Variants in NOD1 observed in about 807,000 individuals in gnomAD.
NOD1 encodes nucleotide binding oligomerization domain containing 1.
A neutral mutation model predicts 81.2 loss-of-function variants in NOD1; 70 were observed. The ratio of observed to expected loss-of-function variants is 0.86; its 90% confidence interval spans 0.71 to 1.05. The LOEUF (loss-of-function observed/expected upper bound fraction) is 1.05, where lower values mean the gene tolerates loss of function less well. NOD1 is among the 50% of genes least tolerant of loss of function. The pLI is 0.00. For missense variants in NOD1, 1,233 were observed against 1,228.0 expected (o/e 1.00, Z -0.06); for synonymous variants, 508 against 526.9 (o/e 0.96, Z 0.49).
At chr7:30,453,361 C>G (rs1785999347) in intron 5 of NOD1, among the ~76,000 whole-genome samples, 1 of 152,168 alleles carries the variant, frequency 6.6e-6, no homozygotes, top group Admixed American at 6.5e-5. Context: ...TGAACTGCAG[C>G]TAAACACTGA....
At chr7:30,468,841 C>G in intron 1 of NOD1, 1 of 985,302 alleles carries the variant, frequency 1.0e-6, no homozygotes, top group Non-Finnish European at 1.2e-6. Context: ...CACAGTTTTA[C>G]AAGTAAAGAA....
At position 30,455,205 on chromosome 7, in the gene NOD1, C is replaced by T. The variant is rs1243887122; in HGVS notation, c.308G>A (p.Trp103Ter). Residue 103 changes from tryptophan to a stop codon, truncating the protein, a stop_gained, in exon 5 of 14, where the codon TGG (tryptophan) becomes TAG (stop). Coordinates refer to ENST00000222823, the MANE Select transcript of NOD1 (RefSeq NM_006092.4). LOFTEE classifies it high-confidence loss of function. ...LADAYVDLRPWLLEIGFSPSL... is the reference protein window; with the variant it reads ...LADAYVDLRP ...AGGGGAGAAGCCGATCTCCAGCAGC[C>T]AAGGCCTGAGGTCCACGTAGGCATC... 6.2e-7 allele frequency: 1 copy of T among 1,614,182 alleles called. No individual in the cohort carries two copies. Among genetic ancestry groups the T allele is most frequent in the Admixed American group, 1.7e-5 (1 of 60,026 alleles).
At chr7:30,470,434 G>A (rs1034622895) in intron 1 of NOD1, among the ~76,000 whole-genome samples, 1 of 152,194 alleles carries the variant, frequency 6.6e-6, no homozygotes, top group Non-Finnish European at 1.5e-5. Flanking sequence ...GATAGGAACC[G>A]TCGAATGAAT....
intron 1 of NOD1, chr7:30,469,237 A>G (rs763284276): frequency 5.6e-5 from 55 of 985,246 alleles, no homozygotes; most frequent in Non-Finnish European, 6.5e-5. Context: ...TCTGGAGACA[A>G]TTTAGCAGAT....
intron 1 of NOD1, among the ~76,000 whole-genome samples, chr7:30,465,137 G>C (rs1787548953): frequency 6.6e-6 from 1 of 152,142 alleles, no homozygotes; most frequent in East Asian, 1.9e-4. Context: ...GGGCTTCCTT[G>C]GGCTCCAGCC....
rs1785120103 is a variant in NOD1 at position 30,446,653 on chromosome 7, A to G, written c.2369+314T>C. The G allele has an allele frequency of 7.4e-6, 3 of 407,388 alleles. No homozygotes were observed. In the South Asian group the frequency reaches 9.8e-5, roughly 13 times the overall value. 25.2% of individuals were successfully genotyped at this position (407,388 alleles called of 1,614,324 possible). Reference sequence around the variant, plus strand: ...ACACCTACAGCAGGGCAAGGGCCCAAGCTCTTCCTTGCAACCCGACAGGAA... The same window carrying G: ...ACACCTACAGCAGGGCAAGGGCCCAGGCTCTTCCTTGCAACCCGACAGGAA... On this transcript the variant is annotated intron_variant, in intron 8 of 13. Transcript: ENST00000222823.
Position 30,437,661 on chromosome 7 carries a change from G to A in NOD1, c.2454-5C>T, listed in dbSNP as rs199809330. 2.0e-6 allele frequency: 3 copies of A among 1,511,546 alleles called. No individual in the cohort carries two copies. In the Admixed American group the frequency reaches 7.8e-5, roughly 39 times the overall value. 93.6% of individuals were successfully genotyped at this position (1,511,546 alleles called of 1,614,324 possible). ...CCAACTTGATTGCCCCACATCCTGAGGGAGGAGACAAGATAGTGAATGTTA... is the reference window on the plus strand; with the variant it reads ...CCAACTTGATTGCCCCACATCCTGAAGGAGGAGACAAGATAGTGAATGTTA... On this transcript the variant is annotated splice_region_variant and splice_polypyrimidine_tract_variant and intron_variant, in intron 9 of 13. Transcript: ENST00000222823.
chr7:30,451,454 T>C lies in NOD1; in HGVS notation c.1963A>G (p.Met655Val). ...TGTGTCTCGTAGATGCAGCGCAGCA[T>C]CCAGATGAACGTGGGCATGGCCTGC... ...QVQAMPTFIW[M>V]LRCIYETQSQ... The change falls in exon 6 of 14, where the codon ATG (methionine) becomes GTG (valine). Residue 655 changes from methionine (M) to valine (V), a missense_variant. Met to Val is a conservative substitution (Grantham distance 21, BLOSUM62 1). Coordinates refer to ENST00000222823, the MANE Select transcript of NOD1 (RefSeq NM_006092.4). The surrounding 1 kb of genome is among the most constrained non-coding windows in gnomAD (Gnocchi z 4.2). 2 of 1,613,636 alleles carry C rather than the reference T, an allele frequency of 1.2e-6. No individual in the cohort carries two copies. Among genetic ancestry groups the C allele is most frequent in the South Asian group, 1.1e-5 (1 of 91,076 alleles).
intron 13 of NOD1, 109 bp from the exon 14 acceptor site, chr7:30,425,819 A>G (rs1783400865): frequency 1.3e-6 from 1 of 787,626 alleles, no homozygotes; most frequent in Non-Finnish European, 2.3e-6. Flanking sequence ...CACAATACAC[A>G]TGTATCCCTG....
intron 7 of NOD1, 75 bp downstream of exon 7, chr7:30,448,223 C>A: frequency 8.2e-7 from 1 of 1,220,282 alleles, no homozygotes. Flanking sequence ...ATCCAGGGAC[C>A]TATGGGAATG....
chr7:30,475,287 G>C (rs2709799), intron 1 of NOD1, among the ~76,000 whole-genome samples: 48,263 of 151,984 alleles, frequency 0.32, 8,113 homozygotes, highest in African/African-American at 0.43. Flanking sequence ...GGCAATGACA[G>C]AACAGAAGGC....
At chr7:30,469,010 C>T (rs2128101039) in intron 1 of NOD1, 1 of 985,446 alleles carries the variant, frequency 1.0e-6, no homozygotes, top group African/African-American at 1.7e-5. Flanking sequence ...ACCAAGCACA[C>T]CTTACACAGC....
At chr7:30,434,788 T>G (rs768297036) in intron 11 of NOD1, among the ~76,000 whole-genome samples, 1 of 152,244 alleles carries the variant, frequency 6.6e-6, no homozygotes, top group Non-Finnish European at 1.5e-5. Flanking sequence ...ATGCACTTAC[T>G]GGACAGCAGG....
intron 6 of NOD1, among the ~76,000 whole-genome samples, chr7:30,449,928 C>T (rs961657082): frequency 2.6e-5 from 4 of 152,160 alleles, no homozygotes; most frequent in Admixed American, 6.5e-5. Flanking sequence ...TGCGGCGGCT[C>T]ATGCCTGTAA....
At chr7:30,431,203 G>T (rs1783922864) in intron 12 of NOD1, among the ~76,000 whole-genome samples, 1 of 151,884 alleles carries the variant, frequency 6.6e-6, no homozygotes, top group Non-Finnish European at 1.5e-5. Flanking sequence ...CCCTGGAGAG[G>T]CTGGCCTGCA....
At chr7:30,448,464 C>T in intron 6 of NOD1, 83 bp from the exon 7 acceptor site, 1 of 1,188,570 alleles carries the variant, frequency 8.4e-7, no homozygotes, top group Non-Finnish European at 1.3e-6. Context: ...ATCCAGAAGC[C>T]TTCAGGCCCT....
Position 30,451,716 on chromosome 7 carries a change from G to A in NOD1, c.1701C>T (p.Cys567=). 6.2e-7 allele frequency: 1 copy of A among 1,613,866 alleles called. No homozygotes were observed. Among genetic ancestry groups the A allele is most frequent in the Non-Finnish European group, 8.5e-7 (1 of 1,180,026 alleles). Reference sequence around the variant, plus strand: ...CCCGCGCCGGACCACTGCCCTGCAGGCACTGGAACGGGAGGAAGGGAGGAT... The same window carrying A: ...CCCGCGCCGGACCACTGCCCTGCAGACACTGGAACGGGAGGAAGGGAGGAT... ...SCYPPFLPFQ[C]LQGSGPARED... The change falls in exon 6 of 14, where the codon TGC becomes TGT. Residue 567 remains cysteine, a synonymous_variant. Coordinates refer to ENST00000222823, the MANE Select transcript of NOD1 (RefSeq NM_006092.4). The surrounding 1 kb of genome is among the most constrained non-coding windows in gnomAD (Gnocchi z 4.2).
At position 30,452,221 on chromosome 7, in the gene NOD1, CG is replaced by C. The variant is rs770885962; in HGVS notation, c.1195del (p.Arg399GlyfsTer21). Reference protein sequence around the residue: ...SVPLFCWIIFRCFQHFRAAFE... With the variant: ...SVPLFCWIIFXCFQHFRAAFE... Reference sequence around the variant, plus strand: ...GGCAGCACGGAAGTGCTGGAAGCACCGGAAGATGATCCAGCAGAAGAGGGGC... The same window carrying C: ...GGCAGCACGGAAGTGCTGGAAGCACCGAAGATGATCCAGCAGAAGAGGGGC... On this transcript the variant is annotated frameshift_variant, in exon 6 of 14. Coordinates refer to ENST00000222823, the MANE Select transcript of NOD1 (RefSeq NM_006092.4). LOFTEE classifies it high-confidence loss of function. 1 of 1,613,668 alleles carries C rather than the reference CG, an allele frequency of 6.2e-7. No individual in the cohort carries two copies. Among genetic ancestry groups the C allele is most frequent in the African/African-American group, 1.3e-5 (1 of 74,894 alleles).
At chr7:30,426,102 C>T (rs566505486) in intron 13 of NOD1, among the ~76,000 whole-genome samples, 1 of 152,248 alleles carries the variant, frequency 6.6e-6, no homozygotes, top group East Asian at 1.9e-4. Flanking sequence ...CTTCAATTTC[C>T]TTTCCTATAT....
Sources: gnomAD v4.1 joint callset for allele counts (sites outside exome capture counted in the v4.1 genomes callset) on GRCh38, gnomAD v4.1.1 for gene constraint, Gnocchi (gnomAD v3.1) non-coding constraint, MANE v1.5 for transcripts, NCBI Gene and HGNC (gene_info 2026-07-23, HGNC 2026-07-21) for gene names.